The following BCOR variants were observed in gnomAD, a reference collection of about 807,000 sequenced individuals.
BCOR encodes the protein BCL-6 corepressor.
BCOR carries 10 observed loss-of-function variants against 86.7 expected under a neutral mutation model. The ratio of observed to expected loss-of-function variants is 0.12; its 90% CI spans 0.07 to 0.20. The LOEUF is 0.20. Among genes scored for constraint, BCOR ranks in the 10% least tolerant of loss-of-function variants. The probability of loss-of-function intolerance (pLI) is 1.00; values close to 1 mark genes in which losing one functional copy is unlikely to be tolerated. For missense variants in BCOR, 1,259 were observed against 1,452.1 expected, an observed-to-expected ratio of 0.87 and a Z score of 2.16; for synonymous variants, 611 against 609.0, an observed-to-expected ratio of 1.00 and a Z score of -0.05.
At chrX:40,105,572 G>A (rs1391051086) in intron 1 of BCOR, among the ~76,000 whole-genome samples, 2 of 112,233 alleles carry the variant, frequency 1.8e-5, no homozygotes, top group Non-Finnish European at 3.8e-5. Flanking sequence ...CCCCCGCACC[G>A]CTCGCAGCTC....
intron 10 of BCOR, 109 bp from the exon 11 acceptor site, chrX:40,057,430 G>A (rs1457595755): frequency 1.9e-5 from 16 of 839,013 alleles, no homozygotes; most frequent in Admixed American, 2.6e-5. Flanking sequence ...GAGAACCTGA[G>A]AACCTCTCGG....
intron 1 of BCOR, among the ~76,000 whole-genome samples, chrX:40,080,985 A>AAG (rs1555922214): frequency 4.7e-5 from 1 of 21,082 alleles, no homozygotes; most frequent in East Asian, 5.6e-3. Context: ...GCACACACAC[A>AAG]CGCGCACACA....
intron 1 of BCOR, among the ~76,000 whole-genome samples, chrX:40,172,920 TGA>T (rs1938661004): frequency 8.9e-6 from 1 of 112,916 alleles, no homozygotes; most frequent in Admixed American, 9.2e-5. Flanking sequence ...CCGGCGGACG[TGA>T]CCGCCGGATG....
At chrX:40,165,272 G>C (rs7892685) in intron 1 of BCOR, among the ~76,000 whole-genome samples, 19,507 of 111,041 alleles carry the variant, frequency 0.18, 1,870 homozygotes, top group African/African-American at 0.36. Flanking sequence ...AGGCAACCCC[G>C]CTTCCCCTCC....
At chrX:40,070,085 T>C (rs1170510594) in intron 6 of BCOR, among the ~76,000 whole-genome samples, 1 of 111,152 alleles carries the variant, frequency 9.0e-6, no homozygotes, top group Non-Finnish European at 1.9e-5. Context: ...AACTGTGTTG[T>C]GAATGTCAAA....
intron 1 of BCOR, among the ~76,000 whole-genome samples, chrX:40,108,996 C>G (rs958556372): frequency 8.8e-6 from 1 of 113,190 alleles, no homozygotes; most frequent in Non-Finnish European, 1.9e-5. Context: ...CCACCCGCCT[C>G]GACCCGCTTC....
intron 1 of BCOR, among the ~76,000 whole-genome samples, chrX:40,126,533 A>AAAG (rs1569187659): frequency 2.5e-4 from 27 of 109,565 alleles, no homozygotes; most frequent in African/African-American, 8.7e-4. Flanking sequence ...AAAAAAAAAA[A>AAAG]AAAAGAAAAG....
At chrX:40,103,546 T>C (rs1320602492) in intron 1 of BCOR, among the ~76,000 whole-genome samples, 1 of 110,806 alleles carries the variant, frequency 9.0e-6, no homozygotes, top group Non-Finnish European at 1.9e-5. Context: ...CCAGATTTTG[T>C]TCTTAAAATA....
intron 6 of BCOR, among the ~76,000 whole-genome samples, chrX:40,065,863 C>T (rs753598859): frequency 1.3e-4 from 14 of 109,253 alleles, no homozygotes; most frequent in Non-Finnish European, 2.5e-4. Context: ...CTCCCCAACC[C>T]ACTTCAAATA....
chrX:40,057,114 G>T (rs1934638731), intron 11 of BCOR, 41 bp downstream of exon 11: 1 of 1,196,399 alleles, frequency 8.4e-7, no homozygotes, highest in Non-Finnish European at 1.1e-6. Context: ...GGGAAGCTTG[G>T]TCTCAGCAGA....
Position 40,064,230 on chromosome X carries a change from C to CT in BCOR, c.3502+105dup. ...CCCCCACGGCTTCCCCTCACCGACT[C>CT]TGTCTACGGGGGCAGCGCGCCGCAC... On this transcript the variant is annotated intron_variant, in intron 7 of 14. Coordinates refer to ENST00000378444, the MANE Select transcript of BCOR (RefSeq NM_001123385.2). 2.7e-6 allele frequency: 3 copies of CT among 1,115,907 alleles called. No individual in the cohort carries two copies. The South Asian group carries it at 5.5e-5, about 20-fold the overall frequency. The allele number at this position is 1,115,907 out of a possible 1,213,427, so 92.0% of individuals were successfully genotyped here.
chrX:40,073,912 G>A lies in BCOR; in HGVS notation c.1434C>T (p.Ser478=), dbSNP rs371048617. 6.6e-6 allele frequency: 8 copies of A among 1,211,126 alleles called. No individual in the cohort carries two copies. The African/African-American group carries it at 7.0e-5, about 11-fold the overall frequency. ...GTGTTTCTTTCGGAATCTCACTTCC[G>A]GAGAGCACTAAGCCACTTCCAGCCC... ...HSRAGSGLVL[S]GSEIPKETLS... The change falls in exon 4 of 15, where the codon TCC becomes TCT. Residue 478 remains serine (S), a synonymous_variant. Coordinates refer to ENST00000378444, the MANE Select transcript of BCOR (RefSeq NM_001123385.2).
chrX:40,077,398 G>A (rs1240754423), intron 2 of BCOR: 1 of 147,784 alleles, frequency 6.8e-6, no homozygotes, highest in Admixed American at 7.6e-5. Context: ...AAAAGCAGGC[G>A]CCAGTGGCCT....
In BCOR at chrX:40,073,274, A is replaced by C; in HGVS notation, c.2072T>G (p.Leu691Arg). The C allele has an allele frequency of 1.7e-6, 2 of 1,211,385 alleles. No homozygotes were observed. Among genetic ancestry groups the C allele is most frequent in the Non-Finnish European group, 2.2e-6 (2 of 895,085 alleles). The part of the protein sequence containing the change: ...PHPVLLPNGS[L>R]FPGHLAPKPG... ...CTTTGGGGCAAGGTGCCCAGGAAAC[A>C]GACTGCCATTGGGTAACAAAACTGG... is the stretch of plus-strand genomic sequence containing the variant. The change falls in exon 4 of 15, where the codon CTG (leucine) becomes CGG (arginine). Residue 691 changes from leucine (L) to arginine (R), a missense_variant. This residue lies in a region of BCOR where 534 missense variants were observed against 594.8 expected (regional missense o/e 0.90). Coordinates refer to ENST00000378444, the MANE Select transcript of BCOR (RefSeq NM_001123385.2).
Position 40,117,960 on chromosome X carries a change from T to TTCTCTCTC in BCOR, c.-40-39999_-40-39992dup, listed in dbSNP as rs747544385. On this transcript the variant is annotated intron_variant, in intron 1 of 14. Coordinates refer to the BCOR transcript ENST00000342274. ...AGGAAGTATACTATGCTCGCACTCT[T>TTCTCTCTC]TCTCTCTCTCTCTCTCTCTCTCCAC... 7.0e-3 allele frequency among the ~76,000 whole-genome samples: 661 copies of TTCTCTCTC among 94,430 alleles called. 13 individuals are homozygous for TTCTCTCTC. Among genetic ancestry groups the TTCTCTCTC allele is most frequent in the African/African-American group, 0.029 (619 of 21,167 alleles). The allele number at this position is 94,430 out of a possible 115,157, so 82.0% of individuals were successfully genotyped here. A position where few individuals can be genotyped will look rare whatever the true frequency, so the allele number is the denominator to read the frequency against.
In BCOR at chrX:40,087,344, G is replaced by C. The variant is rs1040163853; in HGVS notation, c.-40-9375C>G. Among the ~76,000 whole-genome samples the C allele has an allele frequency of 1.8e-5, 2 of 113,067 alleles. 1 individual carries two copies. Among genetic ancestry groups the C allele is most frequent in the Non-Finnish European group, 3.7e-5 (2 of 53,400 alleles). ...TCGTCATTATTAGTGCAAATTACAC[G>C]CCTAATCGGTCCTTAAATAGATTTT... is the stretch of plus-strand genomic sequence containing the variant. On this transcript the variant is annotated intron_variant, in intron 1 of 14. Coordinates refer to ENST00000378444, the MANE Select transcript of BCOR (RefSeq NM_001123385.2).
At chrX:40,054,075 A>G (rs751916606) in intron 13 of BCOR, 33 bp from the exon 14 acceptor site, 2 of 1,192,907 alleles carry the variant, frequency 1.7e-6, no homozygotes, top group Non-Finnish European at 2.3e-6. Flanking sequence ...GGAAGGAATC[A>G]GTAAACTACA....
chrX:40,072,281 C>G (rs1935511536), intron 4 of BCOR, 68 bp downstream of exon 4: 1 of 1,096,898 alleles, frequency 9.1e-7, no homozygotes, highest in African/African-American at 1.8e-5. Flanking sequence ...CATACTCCCC[C>G]AATCCTGTTT....
Position 40,139,425 on chromosome X carries a change from CATATATATATATATATATATA to C in BCOR, c.-41+37561_-41+37581del. Among the ~76,000 whole-genome samples, 10 of 1,049 alleles carry C rather than the reference CATATATATATATATATATATA, an allele frequency of 9.5e-3. 4 individuals are homozygous for C. Among genetic ancestry groups the C allele is most frequent in the Non-Finnish European group, 0.01 (7 of 677 alleles). 0.9% of individuals were successfully genotyped at this position (1,049 alleles called of 115,157 possible). On this transcript the variant is annotated intron_variant, in intron 1 of 14. Coordinates refer to the BCOR transcript ENST00000342274. ...TATATATATATATATAATATATATA[CATATATATATATATATATATA>C]ATATATATACATATATATATATATA...
Sources: gnomAD v4.1 joint callset for allele counts (sites outside exome capture counted in the v4.1 genomes callset) on GRCh38, gnomAD v4.1.1 for gene constraint, gnomAD v4.1.1 regional missense constraint, MANE v1.5 for transcripts, NCBI Gene and HGNC (gene_info 2026-07-23, HGNC 2026-07-21) for gene names.